The following SMYD3 variants were observed in gnomAD, a reference collection of about 807,000 sequenced individuals.
The protein encoded by SMYD3 is histone-lysine N-methyltransferase SMYD3.
A neutral mutation model predicts 57.7 loss-of-function variants in SMYD3; 36 were observed. That is an observed-to-expected ratio of 0.62 (90% CI 0.48 to 0.82). The LOEUF is 0.82. Ranked by LOEUF, SMYD3 falls within the 40% of genes least tolerant of loss-of-function variation. SMYD3 has a pLI of 0.00. For missense variants in SMYD3, 515 were observed against 538.8 expected (o/e 0.96, Z 0.44); for synonymous variants, 211 against 195.0 (o/e 1.08, Z -0.68).
intron 7 of SMYD3, among the ~76,000 whole-genome samples, chr1:245,918,318 T>C (rs934341181): frequency 1.2e-4 from 18 of 151,232 alleles, no homozygotes; most frequent in African/African-American, 4.1e-4. Context: ...CCAGATCTCT[T>C]GATAAGTCTG....
intron 8 of SMYD3, among the ~76,000 whole-genome samples, chr1:245,873,834 G>A (rs962441192): frequency 5.9e-5 from 9 of 152,168 alleles, no homozygotes; most frequent in African/African-American, 1.9e-4. Context: ...GCAGCACTAC[G>A]GAAGTGGAAC....
chr1:246,355,955 G>T lies in SMYD3; in HGVS notation c.165-861C>A, dbSNP rs973843925. ...GAATAGGTAACCAGGCGACCTTAGGGCAAGTTTGCTTCCTCCCTGTAGGAC... is the reference window on the plus strand; with the variant it reads ...GAATAGGTAACCAGGCGACCTTAGGTCAAGTTTGCTTCCTCCCTGTAGGAC... On this transcript the variant is annotated intron_variant, in intron 1 of 11. Transcript: ENST00000490107. This position sits in a 1 kb window ranked among gnomAD's most constrained non-coding sequence, Gnocchi z 5.0. Among the ~76,000 whole-genome samples, 7 of 152,128 alleles carry T rather than the reference G, an allele frequency of 4.6e-5. No individual in the cohort carries two copies. Among genetic ancestry groups the T allele is most frequent in the Non-Finnish European group, 1.0e-4 (7 of 68,024 alleles).
chr1:245,774,753 C>T (rs1001295238), intron 10 of SMYD3, among the ~76,000 whole-genome samples: 1 of 109,732 alleles, frequency 9.1e-6, no homozygotes, highest in Non-Finnish European at 1.8e-5. Context: ...GATGCTGAGC[C>T]GAAGCTGGAC....
intron 5 of SMYD3, among the ~76,000 whole-genome samples, chr1:246,069,123 G>C (rs1251907532): frequency 6.6e-6 from 1 of 152,182 alleles, no homozygotes; most frequent in Non-Finnish European, 1.5e-5. Flanking sequence ...GGAGCACAGA[G>C]ATAACCGCCC....
intron 4 of SMYD3, among the ~76,000 whole-genome samples, chr1:246,328,453 CAG>C (rs1305285655): frequency 6.6e-6 from 1 of 152,068 alleles, no homozygotes; most frequent in East Asian, 1.9e-4. Flanking sequence ...CCCATGGTAA[CAG>C]ATGTTATTTA....
intron 5 of SMYD3, among the ~76,000 whole-genome samples, chr1:246,276,019 C>G (rs992001025): frequency 2.4e-5 from 3 of 125,750 alleles, no homozygotes; most frequent in Non-Finnish European, 5.2e-5. Context: ...AATACTAACT[C>G]TGTTTTTCAC....
intron 5 of SMYD3, among the ~76,000 whole-genome samples, chr1:246,259,740 G>C (rs1266145984): frequency 6.6e-6 from 1 of 152,216 alleles, no homozygotes. Flanking sequence ...CATGGGGCCA[G>C]ACTGGTCAGG....
intron 10 of SMYD3, among the ~76,000 whole-genome samples, chr1:245,844,650 G>A (rs1011077416): frequency 6.7e-5 from 10 of 148,688 alleles, no homozygotes; most frequent in African/African-American, 2.0e-4. Flanking sequence ...GAACGCTAAC[G>A]GCCTGCAGTC....
At chr1:246,280,670 C>T (rs1243408253) in intron 5 of SMYD3, among the ~76,000 whole-genome samples, 1 of 152,138 alleles carries the variant, frequency 6.6e-6, no homozygotes, top group African/African-American at 2.4e-5. Context: ...TTAAAGCTTA[C>T]ATTTAGACTG....
chr1:246,406,209 C>A (rs2066864470), intron 1 of SMYD3, among the ~76,000 whole-genome samples: 1 of 152,056 alleles, frequency 6.6e-6, no homozygotes, highest in Admixed American at 6.6e-5. Context: ...CAGGTGTGAG[C>A]CACCGCGCCC....
chr1:245,834,307 G>A (rs1572469953), intron 10 of SMYD3, among the ~76,000 whole-genome samples: 2 of 152,162 alleles, frequency 1.3e-5, no homozygotes, highest in African/African-American at 2.4e-5. Context: ...AGCTATGCAC[G>A]GATATACTGA....
chr1:245,761,051 C>T (rs73130759), intron 11 of SMYD3, among the ~76,000 whole-genome samples: 5,710 of 152,292 alleles, frequency 0.037, 334 homozygotes, highest in African/African-American at 0.13. Flanking sequence ...TCCTTGCACT[C>T]TTTCTACAAC....
intron 10 of SMYD3, among the ~76,000 whole-genome samples, chr1:245,821,936 T>G (rs2049182859): frequency 6.6e-6 from 1 of 151,608 alleles, no homozygotes; most frequent in Non-Finnish European, 1.5e-5. Context: ...GGAACACTTT[T>G]ACACTGTTGG....
At position 246,468,632 on chromosome 1, in the gene SMYD3, C is replaced by T. The variant is rs550593544; in HGVS notation, c.164+38422G>A. On this transcript the variant is annotated intron_variant, in intron 1 of 11. Transcript: ENST00000490107. The stretch of plus-strand genomic sequence containing the variant: ...CTCCAGCCTGGGTGACAGAGTGAGA[C>T]TCTGTCTCCAAAAAAAGGAAAAAAA... Among the ~76,000 whole-genome samples the T allele has an allele frequency of 2.3e-4, 35 of 151,996 alleles. No individual in the cohort carries two copies. In the South Asian group the frequency reaches 7.3e-3, roughly 32 times the overall value.
At chr1:246,122,373 C>T (rs2061437601) in intron 5 of SMYD3, among the ~76,000 whole-genome samples, 1 of 152,140 alleles carries the variant, frequency 6.6e-6, no homozygotes, top group South Asian at 2.1e-4. Context: ...GAGCCAAGGT[C>T]GCACCACTGC....
intron 5 of SMYD3, among the ~76,000 whole-genome samples, chr1:246,171,188 T>C (rs897071196): frequency 6.6e-6 from 1 of 152,200 alleles, no homozygotes; most frequent in Non-Finnish European, 1.5e-5. Context: ...CAATCAAGAA[T>C]TGATTTTGGT....
intron 1 of SMYD3, among the ~76,000 whole-genome samples, chr1:246,421,909 C>T (rs2067149122): frequency 6.6e-6 from 1 of 152,202 alleles, no homozygotes. Context: ...TTCACCTTTC[C>T]TCTGCCTTTT....
At chr1:246,003,184 C>T (rs2059109503) in intron 5 of SMYD3, among the ~76,000 whole-genome samples, 1 of 152,150 alleles carries the variant, frequency 6.6e-6, no homozygotes, top group Admixed American at 6.5e-5. Flanking sequence ...GAACCGAACC[C>T]AGAACCAGAA....
At chr1:245,909,383 G>C (rs2054806740) in intron 8 of SMYD3, among the ~76,000 whole-genome samples, 1 of 152,080 alleles carries the variant, frequency 6.6e-6, no homozygotes, top group Non-Finnish European at 1.5e-5. Flanking sequence ...ATTTAAAAAA[G>C]AATGAATACC....
Sources: allele counts gnomAD v4.1 joint callset (sites outside exome capture counted in the v4.1 genomes callset), GRCh38; gene constraint gnomAD v4.1.1; non-coding constraint Gnocchi (gnomAD v3.1); transcripts MANE v1.5; gene names NCBI Gene and HGNC (gene_info 2026-07-23, HGNC 2026-07-21).